The following GRM7 variants were observed in gnomAD, a reference collection of about 807,000 sequenced individuals.
GRM7 encodes the protein metabotropic glutamate receptor 7.
Under a neutral mutation model 84.5 loss-of-function variants are expected in GRM7, and 35 were observed. The observed-to-expected ratio is 0.41, with a 90% CI of 0.32 to 0.55. The LOEUF (loss-of-function observed/expected upper bound fraction) is 0.55, where lower values mean the gene tolerates loss of function less well. GRM7 is among the 20% of genes least tolerant of loss of function. The pLI is 0.19. For missense variants in GRM7, 1,003 were observed against 1,194.6 expected (o/e 0.84, Z 2.36); for synonymous variants, 487 against 455.1 (o/e 1.07, Z -0.89).
chr3:7,476,330 A>G (rs543292807), intron 7 of GRM7, among the ~76,000 whole-genome samples: 67 of 152,242 alleles, frequency 4.4e-4, no homozygotes, highest in African/African-American at 1.5e-3. Context: ...GGAGGATAAC[A>G]AGGTCAGGAG....
chr3:6,998,137 A>AAAAAAAAAAAAAAAAAAAAAAAC (rs1694887959), intron 1 of GRM7, among the ~76,000 whole-genome samples: 2 of 148,130 alleles, frequency 1.4e-5, no homozygotes, highest in Non-Finnish European at 3.0e-5. Context: ...AAAAAAAAAA[A>AAAAAAAAAAAAAAAAAAAAAAAC]AAGCAGGTTA....
chr3:7,454,058 G>C (rs1299805756), intron 6 of GRM7, among the ~76,000 whole-genome samples: 1 of 140,596 alleles, frequency 7.1e-6, no homozygotes, highest in Non-Finnish European at 1.5e-5. Context: ...GTAATTATGA[G>C]CCAAGAACCA....
chr3:7,335,800 A>C (rs1575183392), intron 4 of GRM7, among the ~76,000 whole-genome samples: 1 of 152,152 alleles, frequency 6.6e-6, no homozygotes, highest in Admixed American at 6.6e-5. Flanking sequence ...AAACTAGAAA[A>C]CCTAGAGGAC....
chr3:6,960,231 T>G (rs1237472610), intron 1 of GRM7, among the ~76,000 whole-genome samples: 1 of 152,180 alleles, frequency 6.6e-6, no homozygotes, highest in African/African-American at 2.4e-5. Context: ...CTCTTTCCAG[T>G]GTGCCTTCTT....
intron 4 of GRM7, among the ~76,000 whole-genome samples, chr3:7,379,413 C>A (rs192772444): frequency 6.6e-6 from 1 of 152,046 alleles, no homozygotes. Context: ...ATTTTACAAG[C>A]GACATCATAA....
chr3:6,929,688 G>C (rs1697431180), intron 1 of GRM7, among the ~76,000 whole-genome samples: 1 of 152,096 alleles, frequency 6.6e-6, no homozygotes, highest in Admixed American at 6.6e-5. Context: ...AGATAAAATG[G>C]GGCCTACACC....
At chr3:7,464,626 C>A (rs940391494) in intron 7 of GRM7, among the ~76,000 whole-genome samples, 1 of 151,782 alleles carries the variant, frequency 6.6e-6, no homozygotes, top group Non-Finnish European at 1.5e-5. Flanking sequence ...GTCAGGAGAT[C>A]AAGACCATCC....
chr3:7,681,577 C>T (rs1700369849), intron 9 of GRM7: 2 of 152,116 alleles, frequency 1.3e-5, no homozygotes, highest in Non-Finnish European at 2.9e-5. Context: ...GACAGAAGTC[C>T]TAGGACAAGT....
intron 8 of GRM7, among the ~76,000 whole-genome samples, chr3:7,628,627 A>T (rs1300567378): frequency 6.6e-6 from 1 of 152,168 alleles, no homozygotes; most frequent in East Asian, 1.9e-4. Flanking sequence ...CAATTCAATA[A>T]TTATACGTCT....
intron 8 of GRM7, among the ~76,000 whole-genome samples, chr3:7,645,242 G>T (rs1698566615): frequency 6.6e-6 from 1 of 152,010 alleles, no homozygotes; most frequent in African/African-American, 2.4e-5. Context: ...AAACTTCAAA[G>T]AAGCTGAATT....
At chr3:7,100,060 T>C (rs1344815424) in intron 1 of GRM7, among the ~76,000 whole-genome samples, 1 of 150,500 alleles carries the variant, frequency 6.6e-6, no homozygotes, top group Non-Finnish European at 1.5e-5. Context: ...ATAATATATA[T>C]GTAATTTACT....
chr3:7,095,233 A>G (rs897885022), intron 1 of GRM7, among the ~76,000 whole-genome samples: 1 of 152,178 alleles, frequency 6.6e-6, no homozygotes. Context: ...AATAGCTTTA[A>G]TTATCTGACA....
intron 1 of GRM7, among the ~76,000 whole-genome samples, chr3:6,881,921 TTGTGTGTGTG>T (rs3060190): frequency 6.4e-4 from 93 of 144,704 alleles, no homozygotes; most frequent in Admixed American, 1.1e-3. Context: ...GGCAATTGAA[TTGTGTGTGTG>T]TGTGTGTGTG....
chr3:7,103,765 T>C (rs1699192242), intron 1 of GRM7, among the ~76,000 whole-genome samples: 1 of 61,504 alleles, frequency 1.6e-5, no homozygotes, highest in South Asian at 4.7e-4. Flanking sequence ...TTTCTTTCTT[T>C]CTTTCTTTCT....
chr3:7,123,638 T>G (rs1057034151), intron 1 of GRM7, among the ~76,000 whole-genome samples: 239 of 150,708 alleles, frequency 1.6e-3, no homozygotes, highest in Admixed American at 4.4e-3. Flanking sequence ...AAAAAAAAAG[T>G]GGGATGCATT....
intron 1 of GRM7, among the ~76,000 whole-genome samples, chr3:6,949,670 C>T (rs1190867121): frequency 6.6e-6 from 1 of 151,948 alleles, no homozygotes; most frequent in Non-Finnish European, 1.5e-5. Context: ...TGGTTCCATT[C>T]TCCCTGTCAC....
intron 1 of GRM7, among the ~76,000 whole-genome samples, chr3:6,871,863 A>T (rs1253247018): frequency 6.6e-6 from 1 of 152,130 alleles, no homozygotes; most frequent in East Asian, 1.9e-4. Flanking sequence ...AACAGAGGGT[A>T]ATTGTGTAAT....
intron 7 of GRM7, among the ~76,000 whole-genome samples, chr3:7,525,542 A>T (rs1356249882): frequency 6.6e-6 from 1 of 152,010 alleles, no homozygotes; most frequent in East Asian, 1.9e-4. Flanking sequence ...TTACATTTTT[A>T]TGTTCATGTG....
At chr3:6,981,470 G>A (rs532534307) in intron 1 of GRM7, among the ~76,000 whole-genome samples, 2 of 152,184 alleles carry the variant, frequency 1.3e-5, no homozygotes, top group South Asian at 4.2e-4. Flanking sequence ...CTAAATAATT[G>A]TCTCGTATCC....
Sources: allele counts gnomAD v4.1 joint callset (sites outside exome capture counted in the v4.1 genomes callset), GRCh38; gene constraint gnomAD v4.1.1; transcripts MANE v1.5; gene names NCBI Gene and HGNC (gene_info 2026-07-23, HGNC 2026-07-21).